NALCN: variants seen among roughly 807,000 people sequenced by gnomAD.
NALCN encodes the protein sodium leak channel NALCN.
NALCN carries 111 observed loss-of-function variants against 225.3 expected under a neutral mutation model. That is an observed-to-expected ratio of 0.49 (90% confidence interval 0.42 to 0.58). The LOEUF is 0.58. Ranked by LOEUF, NALCN falls within the 20% of genes least tolerant of loss-of-function variation. The probability of loss-of-function intolerance (pLI) is 0.00; values close to 1 mark genes in which losing one functional copy is unlikely to be tolerated. For synonymous variants in NALCN, 764 were observed against 769.0 expected (o/e 0.99, Z 0.11); for missense variants, 1,378 against 2,202.4 (o/e 0.63, Z 7.49).
rs181201692 is a variant in NALCN at position 101,229,624 on chromosome 13, C to A, written c.1435-40G>T. On this transcript the variant is annotated intron_variant, in intron 12 of 43. Coordinates refer to ENST00000251127, the MANE Select transcript of NALCN (RefSeq NM_052867.4). ...AGAAACATTTATTTACACATATGATCATTTATTTACACTGAATCTTAAATA... is the reference window on the plus strand; with the variant it reads ...AGAAACATTTATTTACACATATGATAATTTATTTACACTGAATCTTAAATA... The A allele has an allele frequency of 2.5e-3, 3,504 of 1,419,970 alleles. 11 individuals carry two copies. The highest frequency in any genetic ancestry group is 3.0e-3 in the Non-Finnish European group (3,160 of 1,065,698). 88.0% of individuals were successfully genotyped at this position (1,419,970 alleles called of 1,614,324 possible). A position where few individuals can be genotyped will look rare whatever the true frequency, so the allele number is the denominator to read the frequency against.
At chr13:101,360,911 CT>C (rs771040893) in intron 6 of NALCN, among the ~76,000 whole-genome samples, 4 of 152,222 alleles carry the variant, frequency 2.6e-5, no homozygotes, top group South Asian at 4.1e-4. Flanking sequence ...ACTAACATTT[CT>C]TTGAAGACTC....
chr13:101,139,956 C>T (rs2036986382), intron 17 of NALCN, among the ~76,000 whole-genome samples: 1 of 152,112 alleles, frequency 6.6e-6, no homozygotes, highest in Non-Finnish European at 1.5e-5. Context: ...GGGCACTCAA[C>T]AAGGTTGACA....
intron 3 of NALCN, among the ~76,000 whole-genome samples, chr13:101,385,517 C>T (rs2046963341): frequency 6.6e-6 from 1 of 152,110 alleles, no homozygotes; most frequent in Non-Finnish European, 1.5e-5. Context: ...AAAATGTTTG[C>T]CCCAGAATCA....
chr13:101,170,768 A>T (rs1349910649), intron 15 of NALCN, among the ~76,000 whole-genome samples: 1 of 152,206 alleles, frequency 6.6e-6, no homozygotes, highest in Non-Finnish European at 1.5e-5. Context: ...CTGGGTAAAC[A>T]GTTTTCAATT....
chr13:101,144,621 G>A, intron 16 of NALCN, 139 bp downstream of exon 16: 6 of 696,690 alleles, frequency 8.6e-6, no homozygotes, highest in Non-Finnish European at 1.4e-5. Flanking sequence ...TTAAATAGAG[G>A]TAGAGGTAGT....
chr13:101,160,928 G>A lies in NALCN; in HGVS notation c.1839+15372C>T, dbSNP rs183820998. Among the ~76,000 whole-genome samples the A allele has an allele frequency of 2.8e-3, 434 of 152,316 alleles. 3 individuals are homozygous for A. The highest frequency in any genetic ancestry group is 7.3e-3 in the South Asian group (35 of 4,824). ...AATGTTGACTATTTGCAATGGAACT[G>A]AAAGTGAAAATACACAAGGAGGAAA... On this transcript the variant is annotated intron_variant, in intron 15 of 43. Transcript: ENST00000251127.
intron 17 of NALCN, among the ~76,000 whole-genome samples, chr13:101,126,026 G>C (rs1197347591): frequency 1.3e-5 from 2 of 152,140 alleles, no homozygotes; most frequent in African/African-American, 4.8e-5. Flanking sequence ...ACAAGGGTTA[G>C]GTATGTTGAG....
At chr13:101,334,084 A>T (rs1246921527) in intron 7 of NALCN, among the ~76,000 whole-genome samples, 2 of 152,196 alleles carry the variant, frequency 1.3e-5, no homozygotes, top group Non-Finnish European at 2.9e-5. Flanking sequence ...GAGAAAAGAC[A>T]TCAAAAGAAG....
intron 34 of NALCN, among the ~76,000 whole-genome samples, chr13:101,080,554 CATAAATAATTATAACCAA>C (rs1411839423): frequency 1.4e-5 from 2 of 140,600 alleles, no homozygotes; most frequent in African/African-American, 2.7e-5. Context: ...AATAATTATA[CATAAATAATTATAACCAA>C]ATAATTATAT....
intron 16 of NALCN, among the ~76,000 whole-genome samples, chr13:101,144,095 A>G (rs2037225052): frequency 1.3e-5 from 2 of 152,200 alleles, no homozygotes; most frequent in South Asian, 4.1e-4. Context: ...AGCTAGTAAC[A>G]TATTACTGTA....
At chr13:101,226,251 C>T (rs1280307266) in intron 13 of NALCN, among the ~76,000 whole-genome samples, 2 of 152,088 alleles carry the variant, frequency 1.3e-5, no homozygotes, top group Admixed American at 1.3e-4. Flanking sequence ...GACAGCCTCC[C>T]CTCCAACCAG....
At chr13:101,336,713 G>T (rs751068388) in intron 7 of NALCN, among the ~76,000 whole-genome samples, 37 of 152,070 alleles carry the variant, frequency 2.4e-4, no homozygotes, top group Non-Finnish European at 4.4e-4. Context: ...TTCTAATAAA[G>T]AAATTAATTA....
rs140101259 is a variant in NALCN at position 101,109,729 on chromosome 13, T to C, written c.2364+890A>G. Among the ~76,000 whole-genome samples, 430 of 152,334 alleles carry C rather than the reference T, an allele frequency of 2.8e-3. 4 individuals carry two copies. Among genetic ancestry groups the C allele is most frequent in the Admixed American group, 4.7e-3 (72 of 15,298 alleles). ...CTTTCATTGTAATCTTTGCATGGTA[T>C]AGCTGCTGGGCCATATAACGCTTGG... On this transcript the variant is annotated intron_variant, in intron 20 of 43. Transcript: ENST00000251127.
intron 7 of NALCN, among the ~76,000 whole-genome samples, chr13:101,344,395 G>A (rs1448701695): frequency 1.3e-5 from 2 of 152,052 alleles, no homozygotes; most frequent in South Asian, 2.1e-4. Context: ...ATGAAAACCT[G>A]AGATGTTATT....
At chr13:101,172,084 A>C (rs2038750228) in intron 15 of NALCN, among the ~76,000 whole-genome samples, 2 of 152,100 alleles carry the variant, frequency 1.3e-5, no homozygotes, top group East Asian at 1.9e-4. Context: ...ATAGCTTCTC[A>C]TGAGGACGCC....
chr13:101,176,421 A>G (rs1225636801), intron 14 of NALCN, 47 bp from the exon 15 acceptor site: 2 of 1,416,992 alleles, frequency 1.4e-6, no homozygotes, highest in African/African-American at 2.9e-5. Flanking sequence ...TGCCATAAGT[A>G]TCAAAATATT....
chr13:101,257,224 T>TTC (rs1555324272), intron 11 of NALCN, among the ~76,000 whole-genome samples: 1 of 150,898 alleles, frequency 6.6e-6, no homozygotes, highest in Admixed American at 6.6e-5. Flanking sequence ...TTTTTTTTTT[T>TTC]TTTGCTAGAT....
At chr13:101,275,956 C>G (rs1374041407) in intron 10 of NALCN, among the ~76,000 whole-genome samples, 5 of 149,928 alleles carry the variant, frequency 3.3e-5, no homozygotes, top group Non-Finnish European at 7.4e-5. Context: ...CTCAGCTACT[C>G]AGGAGGCTGA....
At chr13:101,367,037 T>A (rs1448255688) in intron 6 of NALCN, among the ~76,000 whole-genome samples, 6 of 152,310 alleles carry the variant, frequency 3.9e-5, no homozygotes, top group South Asian at 2.1e-4. Context: ...GCAGTATTGA[T>A]CTTTCTGTGC....
Sources: allele counts gnomAD v4.1 joint callset (sites outside exome capture counted in the v4.1 genomes callset), GRCh38; gene constraint gnomAD v4.1.1; transcripts MANE v1.5; gene names NCBI Gene and HGNC (gene_info 2026-07-23, HGNC 2026-07-21).